The following VWF variants were observed in gnomAD, a reference collection of about 807,000 sequenced individuals.
VWF encodes von Willebrand factor, also known as Factor VIII related antigen.
Under a neutral mutation model 308.6 loss-of-function variants are expected in VWF, and 176 were observed. The observed-to-expected ratio is 0.57, with a 90% CI of 0.50 to 0.65. The LOEUF (loss-of-function observed/expected upper bound fraction) is 0.65, where lower values mean the gene tolerates loss of function less well. VWF is among the 30% of genes least tolerant of loss of function. The pLI is 0.00. For missense variants in VWF, 3,146 were observed against 3,648.2 expected, an observed-to-expected ratio of 0.86 and a Z score of 3.55; for synonymous variants, 1,385 against 1,443.4, an observed-to-expected ratio of 0.96 and a Z score of 0.92.
At chr12:6,023,997 A>T (rs938188474) in intron 24 of VWF, among the ~76,000 whole-genome samples, 1 of 152,242 alleles carries the variant, frequency 6.6e-6, no homozygotes, top group Non-Finnish European at 1.5e-5. Context: ...GAGTTGAATA[A>T]TGCAGTGCTG....
intron 15 of VWF, among the ~76,000 whole-genome samples, chr12:6,056,266 A>G (rs1028938305): frequency 4.5e-5 from 3 of 66,714 alleles, no homozygotes; most frequent in Admixed American, 2.2e-4. Flanking sequence ...CCCCAGAGCA[A>G]TAACAAAAAC....
intron 16 of VWF, among the ~76,000 whole-genome samples, chr12:6,048,357 G>A (rs1240027112): frequency 6.0e-5 from 9 of 150,990 alleles, no homozygotes; most frequent in Admixed American, 2.0e-4. Context: ...TAGTAGAGAC[G>A]GGGTTTCCCC....
intron 6 of VWF, among the ~76,000 whole-genome samples, chr12:6,092,852 A>C (rs1945065141): frequency 6.6e-6 from 1 of 151,950 alleles, no homozygotes; most frequent in South Asian, 2.1e-4. Flanking sequence ...GACATATGTA[A>C]CATGTATGTT....
At chr12:6,080,049 C>A (rs1944892247) in intron 6 of VWF, among the ~76,000 whole-genome samples, 1 of 152,126 alleles carries the variant, frequency 6.6e-6, no homozygotes, top group South Asian at 2.1e-4. Context: ...CTAACTCCCA[C>A]CCCACACTTC....
intron 34 of VWF, among the ~76,000 whole-genome samples, chr12:6,009,658 A>G (rs567568371): frequency 2.4e-4 from 36 of 152,342 alleles, no homozygotes; most frequent in African/African-American, 8.2e-4. Context: ...CAGGATCTCA[A>G]AAAGGTACTT....
chr12:6,115,063 G>T (rs1945348117), intron 3 of VWF, among the ~76,000 whole-genome samples: 1 of 152,172 alleles, frequency 6.6e-6, no homozygotes, highest in South Asian at 2.1e-4. Context: ...TTGTTTTGAG[G>T]TCTTGCTCTA....
intron 34 of VWF, among the ~76,000 whole-genome samples, chr12:6,008,211 T>C (rs1815270810): frequency 2.0e-5 from 2 of 102,060 alleles, no homozygotes; most frequent in African/African-American, 4.0e-5. Context: ...AGTCAAAGAC[T>C]TTACATTAAA....
chr12:5,952,625 C>A, intron 48 of VWF, 106 bp from the exon 49 acceptor site: 1 of 1,456,692 alleles, frequency 6.9e-7, no homozygotes, highest in Non-Finnish European at 9.3e-7. Context: ...ATCTGCAGAA[C>A]CATGAAACAA....
rs1027964938 is a variant in VWF at position 5,971,533 on chromosome 12, G to C, written c.7548+66C>G. 252 of 1,306,208 alleles carry C rather than the reference G, an allele frequency of 1.9e-4. 1 individual carries two copies. Among genetic ancestry groups the C allele is most frequent in the Non-Finnish European group, 9.9e-5 (89 of 902,610 alleles). The allele number at this position is 1,306,208 out of a possible 1,614,324, so 80.9% of individuals were successfully genotyped here. A position where few individuals can be genotyped will look rare whatever the true frequency, so the allele number is the denominator to read the frequency against. On this transcript the variant is annotated intron_variant, in intron 44 of 51. Transcript: ENST00000261405. ...AGGGCAGGGAATGAGATGAAACCAAGGTCAACGCTGGTCCCTGGAGTGGCC... is the reference window on the plus strand; with the variant it reads ...AGGGCAGGGAATGAGATGAAACCAACGTCAACGCTGGTCCCTGGAGTGGCC...
chr12:6,010,134 CACA>C (rs1008909727), intron 34 of VWF, among the ~76,000 whole-genome samples: 1 of 149,352 alleles, frequency 6.7e-6, no homozygotes, highest in Non-Finnish European at 1.5e-5. Flanking sequence ...TGTTTCTTAT[CACA>C]ACTTTTCTAA....
Position 6,075,578 on chromosome 12 carries a change from G to T in VWF, c.658-27C>A. Reference sequence around the variant, plus strand: ...TGCAGGAAGAGGGGCCGCCTCAGCGGTATGCTCCGTTAGTGTCTCCCTGAG... The same window carrying T: ...TGCAGGAAGAGGGGCCGCCTCAGCGTTATGCTCCGTTAGTGTCTCCCTGAG... On this transcript the variant is annotated intron_variant, in intron 6 of 51. Transcript: ENST00000261405. The surrounding 1 kb of genome is among the most constrained non-coding windows in gnomAD (Gnocchi z 4.7). 1 of 1,602,638 alleles carries T rather than the reference G, an allele frequency of 6.2e-7. No homozygotes were observed. The highest frequency in any genetic ancestry group is 1.1e-5 in the South Asian group (1 of 89,590).
At chr12:5,968,064 C>A in intron 46 of VWF, 63 bp downstream of exon 46, 1 of 1,608,128 alleles carries the variant, frequency 6.2e-7, no homozygotes, top group South Asian at 1.1e-5. Context: ...GCCTGCTCCC[C>A]TTCCCACAGT....
chr12:6,032,366 A>G (rs77609397), intron 20 of VWF, among the ~76,000 whole-genome samples: 33,674 of 142,502 alleles, frequency 0.24, 4,613 homozygotes, highest in African/African-American at 0.27. Context: ...GAGGCCGGGC[A>G]TGGTGGCCCA....
At chr12:6,073,786 G>T in intron 7 of VWF, 45 bp from the exon 8 acceptor site, 2 of 1,612,210 alleles carry the variant, frequency 1.2e-6, no homozygotes, top group Non-Finnish European at 1.7e-6. Flanking sequence ...AGGTCCCACC[G>T]GTGCATCATC....
At chr12:6,074,364 A>AG (rs1392688866) in intron 7 of VWF, among the ~76,000 whole-genome samples, 2 of 152,074 alleles carry the variant, frequency 1.3e-5, no homozygotes, top group African/African-American at 4.8e-5. Flanking sequence ...AGCGACATTC[A>AG]GGCTGACTGA....
At chr12:5,961,753 A>G (rs1943319716) in intron 47 of VWF, among the ~76,000 whole-genome samples, 1 of 152,132 alleles carries the variant, frequency 6.6e-6, no homozygotes. Flanking sequence ...TTTAAATACT[A>G]GGTAATAAGT....
rs1369988754 is a variant in VWF at position 6,026,021 on chromosome 12, T to C, written c.2993A>G (p.Asn998Ser). The change falls in exon 23 of 52, where the codon AAT (asparagine) becomes AGT (serine). Residue 998 changes from asparagine to serine, a missense_variant. Coordinates refer to ENST00000261405, the MANE Select transcript of VWF (RefSeq NM_000552.5). ...YQEKVCGLCGNFDGIQNNDLT... is the reference protein window; with the variant it reads ...YQEKVCGLCGSFDGIQNNDLT... ...GTCATTGTTCTGGATGCCATCAAAA[T>C]TCCCACACAGGCCACACACTTTCTC... The C allele has an allele frequency of 2.5e-6, 4 of 1,613,828 alleles. No homozygotes were observed. Among genetic ancestry groups the C allele is most frequent in the African/African-American group, 2.7e-5 (2 of 74,920 alleles).
At chr12:6,078,692 A>C (rs1206794358) in intron 6 of VWF, among the ~76,000 whole-genome samples, 1 of 152,206 alleles carries the variant, frequency 6.6e-6, no homozygotes. Flanking sequence ...CTGCAGGCAC[A>C]GGGACAAGGA....
intron 40 of VWF, among the ~76,000 whole-genome samples, chr12:5,983,989 T>C (rs576691416): frequency 7.7e-6 from 1 of 129,798 alleles, no homozygotes; most frequent in Non-Finnish European, 1.6e-5. Flanking sequence ...GATAGATAGA[T>C]AGATAGATAG....
Sources: gnomAD v4.1 joint callset for allele counts (sites outside exome capture counted in the v4.1 genomes callset) on GRCh38, gnomAD v4.1.1 for gene constraint, Gnocchi (gnomAD v3.1) non-coding constraint, MANE v1.5 for transcripts, NCBI Gene and HGNC (gene_info 2026-07-23, HGNC 2026-07-21) for gene names.